SPTBN1: variants seen among roughly 807,000 people sequenced by gnomAD.
SPTBN1 encodes spectrin beta chain, non-erythrocytic 1.
Under a neutral mutation model 266.4 loss-of-function variants are expected in SPTBN1, and 32 were observed. That is an observed-to-expected ratio of 0.12 (90% CI 0.09 to 0.16). The LOEUF (loss-of-function observed/expected upper bound fraction) is 0.16. SPTBN1 is among the 10% of genes least tolerant of loss of function. The probability of loss-of-function intolerance (pLI) is 1.00; values close to 1 mark genes in which losing one functional copy is unlikely to be tolerated. For synonymous variants in SPTBN1, 1,336 were observed against 1,162.2 expected (o/e 1.15, Z -3.04); for missense variants, 2,296 against 3,067.1 (o/e 0.75, Z 5.94).
At chr2:54,474,195 A>G (rs1010907697) in intron 1 of SPTBN1, among the ~76,000 whole-genome samples, 12 of 152,238 alleles carry the variant, frequency 7.9e-5, no homozygotes, top group African/African-American at 2.9e-4. Flanking sequence ...GAACTGGTAA[A>G]AGTTTTGCTG....
chr2:54,649,301 GT>G lies in SPTBN1; in HGVS notation c.5202+112del. On this transcript the variant is annotated intron_variant, in intron 25 of 35. Transcript: ENST00000356805. This position sits in a 1 kb window ranked among gnomAD's most constrained non-coding sequence, Gnocchi z 6.7. ...AAAATGCCCTGGACTCCAATCAGAG[GT>G]CTTGGGGTTTAGTTTTAAGGTGGTG... 8.1e-7 allele frequency: 1 copy of G among 1,237,526 alleles called. No individual in the cohort carries two copies. Among genetic ancestry groups the G allele is most frequent in the African/African-American group, 1.5e-5 (1 of 66,128 alleles). The allele number at this position is 1,237,526 out of a possible 1,614,324, so 76.7% of individuals were successfully genotyped here. A position where few individuals can be genotyped will look rare whatever the true frequency, so the allele number is the denominator to read the frequency against.
In SPTBN1 at chr2:54,647,144, C is replaced by G; in HGVS notation, c.4880C>G (p.Ala1627Gly). 1 of 1,614,172 alleles carries G rather than the reference C, an allele frequency of 6.2e-7. No individual in the cohort carries two copies. The highest frequency in any genetic ancestry group is 8.5e-7 in the Non-Finnish European group (1 of 1,180,026). ...SEEKAKDEQS[A>G]VSMLKKHQIL... The stretch of plus-strand genomic sequence containing the variant: ...CTGTCTTTGCAGGATGAGCAGAGTG[C>G]TGTCTCCATGTTGAAGAAGCACCAG... The change falls in exon 24 of 36, where the codon GCT (alanine) becomes GGT (glycine). Residue 1627 changes from alanine (A) to glycine (G), a missense_variant. Ala to Gly is a moderately conservative substitution (Grantham distance 60, BLOSUM62 0). Transcript: ENST00000356805.
At chr2:54,560,497 G>C (rs1376410292) in intron 2 of SPTBN1, among the ~76,000 whole-genome samples, 1 of 152,076 alleles carries the variant, frequency 6.6e-6, no homozygotes, top group Non-Finnish European at 1.5e-5. Flanking sequence ...CGCCGAGAAG[G>C]GTGGAGCCTA....
At position 54,629,123 on chromosome 2, in the gene SPTBN1, G is replaced by A. The variant is rs370648370; in HGVS notation, c.1989G>A (p.Ser663=). Reference sequence around the variant, plus strand: ...GGGAGAAGGAGAAGATCCTGTCCTCGGACGATTACGGGAAAGACCTGACCA... The same window carrying A: ...GGGAGAAGGAGAAGATCCTGTCCTCAGACGATTACGGGAAAGACCTGACCA... ...WIREKEKILS[S]DDYGKDLTSV... Residue 663 remains serine, a synonymous_variant, in exon 14 of 36, where the codon TCG becomes TCA. Coordinates refer to ENST00000356805, the MANE Select transcript of SPTBN1 (RefSeq NM_003128.3). The A allele has an allele frequency of 1.0e-4, 168 of 1,613,510 alleles. No homozygotes were observed. The highest frequency in any genetic ancestry group is 1.3e-4 in the Non-Finnish European group (153 of 1,179,916).
chr2:54,550,375 A>G (rs750482549), intron 2 of SPTBN1, among the ~76,000 whole-genome samples: 4 of 152,182 alleles, frequency 2.6e-5, no homozygotes, highest in Admixed American at 2.0e-4. Flanking sequence ...GGAGGAAGAA[A>G]TGACTGCACC....
In SPTBN1 at chr2:54,659,230, C is replaced by T. The variant is rs766647948; in HGVS notation, c.6320C>T (p.Thr2107Met). The change falls in exon 31 of 36, where the codon ACG becomes ATG. Residue 2107 changes from threonine (T) to methionine (M), a missense_variant. Transcript: ENST00000356805. ...KRRPPSPEPSTKVSEEAESQQ... is the reference protein window; with the variant it reads ...KRRPPSPEPSMKVSEEAESQQ... The stretch of plus-strand genomic sequence containing the variant: ...CGGCCGCCTTCTCCCGAGCCGAGCA[C>T]GAAGGTTTCAGAGGAAGCCGAGTCC... The T allele has an allele frequency of 1.2e-5, 20 of 1,613,960 alleles. No homozygotes were observed. In the East Asian group the frequency reaches 1.3e-4, roughly 11 times the overall value.
intron 1 of SPTBN1, among the ~76,000 whole-genome samples, chr2:54,481,490 CCT>C (rs1668104543): frequency 6.7e-6 from 1 of 149,012 alleles, no homozygotes; most frequent in East Asian, 2.0e-4. Context: ...GGATATGATG[CCT>C]CTGTTAAACC....
At chr2:54,589,043 A>G (rs60410507) in intron 2 of SPTBN1, among the ~76,000 whole-genome samples, 6,851 of 152,222 alleles carry the variant, frequency 0.045, 517 homozygotes, top group African/African-American at 0.16. Context: ...TGGGATATCC[A>G]TCCCCTCAAG....
chr2:54,639,146 A>G (rs1239344190), intron 18 of SPTBN1, among the ~76,000 whole-genome samples: 2 of 152,222 alleles, frequency 1.3e-5, no homozygotes, highest in Non-Finnish European at 2.9e-5. Context: ...AACCCATTTG[A>G]GTAGGATACT....
At chr2:54,601,314 C>T (rs1382531696) in intron 3 of SPTBN1, among the ~76,000 whole-genome samples, 3 of 152,170 alleles carry the variant, frequency 2.0e-5, no homozygotes, top group African/African-American at 7.2e-5. Flanking sequence ...AGATAGAGTG[C>T]TCTTAAAGCT....
chr2:54,522,489 G>T (rs1670500289), intron 1 of SPTBN1, among the ~76,000 whole-genome samples: 1 of 151,730 alleles, frequency 6.6e-6, no homozygotes, highest in Non-Finnish European at 1.5e-5. Context: ...AAATTAGTCA[G>T]GCATGATAGT....
Position 54,646,077 on chromosome 2 carries a change from T to C in SPTBN1, c.4584+60T>C. 3.1e-6 allele frequency: 5 copies of C among 1,611,854 alleles called. No individual in the cohort carries two copies. Among genetic ancestry groups the C allele is most frequent in the Non-Finnish European group, 4.2e-6 (5 of 1,178,306 alleles). On this transcript the variant is annotated intron_variant, in intron 22 of 35. Transcript: ENST00000356805. The surrounding 1 kb of genome is among the most constrained non-coding windows in gnomAD (Gnocchi z 4.4). ...AAATAATTGCTCTAAATTATGAGACTGGGAATGGCAGAGAGCTTTGAAGCC... is the reference window on the plus strand; with the variant it reads ...AAATAATTGCTCTAAATTATGAGACCGGGAATGGCAGAGAGCTTTGAAGCC...
chr2:54,535,565 C>T (rs1246285841), intron 2 of SPTBN1, among the ~76,000 whole-genome samples: 1 of 152,220 alleles, frequency 6.6e-6, no homozygotes, highest in Non-Finnish European at 1.5e-5. Context: ...CGTGCTGTAG[C>T]ATGTATCAGT....
chr2:54,661,932 A>G (rs763634020), intron 32 of SPTBN1: 13 of 985,292 alleles, frequency 1.3e-5, no homozygotes, highest in African/African-American at 1.0e-4. Flanking sequence ...ACAAAATTTT[A>G]ATTACAATTG....
chr2:54,558,019 T>C lies in SPTBN1; in HGVS notation c.148+31453T>C. ...ATGAGCCGCGCGGGCCCGGGACCCT[T>C]GGGGCTCTTCACTCTCCAGGCCGTC... On this transcript the variant is annotated intron_variant, in intron 2 of 35. Coordinates refer to ENST00000356805, the MANE Select transcript of SPTBN1 (RefSeq NM_003128.3). This position sits in a 1 kb window ranked among gnomAD's most constrained non-coding sequence, Gnocchi z 4.6. The C allele has an allele frequency of 1.0e-6, 1 of 984,824 alleles. No individual in the cohort carries two copies. The highest frequency in any genetic ancestry group is 1.7e-5 in the African/African-American group (1 of 57,238). 61.0% of individuals were successfully genotyped at this position (984,824 alleles called of 1,614,324 possible). A position where few individuals can be genotyped will look rare whatever the true frequency, so the allele number is the denominator to read the frequency against.
intron 15 of SPTBN1, 70 bp from the exon 16 acceptor site, chr2:54,630,783 CTG>C: frequency 1.3e-6 from 2 of 1,488,582 alleles, no homozygotes; most frequent in Non-Finnish European, 1.8e-6. Flanking sequence ...TAACCCATCA[CTG>C]TTCCTTTTGC....
At chr2:54,484,573 G>A (rs1254472993) in intron 1 of SPTBN1, among the ~76,000 whole-genome samples, 1 of 152,226 alleles carries the variant, frequency 6.6e-6, no homozygotes, top group African/African-American at 2.4e-5. Flanking sequence ...TAATAGGAAA[G>A]CCAGCGTTGA....
At chr2:54,488,256 T>G (rs1236908667) in intron 1 of SPTBN1, among the ~76,000 whole-genome samples, 1 of 152,120 alleles carries the variant, frequency 6.6e-6, no homozygotes, top group East Asian at 1.9e-4. Context: ...GCCTCAATTT[T>G]CAAATGAGGA....
At position 54,537,208 on chromosome 2, in the gene SPTBN1, G is replaced by C. The variant is rs556700032; in HGVS notation, c.148+10642G>C. 3.3e-5 allele frequency among the ~76,000 whole-genome samples: 5 copies of C among 152,254 alleles called. No individual in the cohort carries two copies. The South Asian group carries it at 8.3e-4, about 25-fold the overall frequency. ...TTAGTATCTGCTCCTCCTTGACTCAGCTCACATGTGGCTTTGGTATACTGT... is the reference window on the plus strand; with the variant it reads ...TTAGTATCTGCTCCTCCTTGACTCACCTCACATGTGGCTTTGGTATACTGT... On this transcript the variant is annotated intron_variant, in intron 2 of 35. Coordinates refer to ENST00000356805, the MANE Select transcript of SPTBN1 (RefSeq NM_003128.3).
Sources: allele counts gnomAD v4.1 joint callset (sites outside exome capture counted in the v4.1 genomes callset), GRCh38; gene constraint gnomAD v4.1.1; non-coding constraint Gnocchi (gnomAD v3.1); transcripts MANE v1.5; gene names NCBI Gene and HGNC (gene_info 2026-07-23, HGNC 2026-07-21).